TANC1: variants seen among roughly 807,000 people sequenced by gnomAD.
TANC1 encodes tetratricopeptide repeat, ankyrin repeat and coiled-coil containing 1.
A neutral mutation model predicts 149.7 loss-of-function variants in TANC1; 77 were observed. The ratio of observed to expected loss-of-function variants is 0.51; its 90% CI spans 0.43 to 0.62. The LOEUF (loss-of-function observed/expected upper bound fraction) is 0.62. TANC1 is among the 20% of genes least tolerant of loss of function. The pLI, the probability that TANC1 is intolerant of heterozygous loss-of-function variation, is 0.00. For synonymous variants in TANC1, 854 were observed against 925.0 expected, an observed-to-expected ratio of 0.92 and a Z score of 1.39; for missense variants, 1,985 against 2,321.8, an observed-to-expected ratio of 0.85 and a Z score of 2.98.
At chr2:159,066,475 A>T (rs2042677102) in intron 3 of TANC1, among the ~76,000 whole-genome samples, 2 of 152,176 alleles carry the variant, frequency 1.3e-5, no homozygotes, top group Non-Finnish European at 2.9e-5. Flanking sequence ...TGACTTTGAG[A>T]ATTGAGTTTG....
intron 1 of TANC1, among the ~76,000 whole-genome samples, chr2:158,974,033 A>G (rs567594374): frequency 6.6e-6 from 1 of 152,172 alleles, no homozygotes; most frequent in Non-Finnish European, 1.5e-5. Context: ...TCTGAACTAC[A>G]TGTTTGAATT....
In TANC1 at chr2:159,230,766, C is replaced by G; in HGVS notation, c.5340C>G (p.Asn1780Lys). 1 of 1,614,214 alleles carries G rather than the reference C, an allele frequency of 6.2e-7. No homozygotes were observed. The part of the protein sequence containing the change: ...PSLMQVGGYN[N>K]QAKTCSVSTL... ...TCATGCAAGTGGGAGGATATAATAA[C>G]CAAGCCAAAACCTGTTCTGTTTCTA... Residue 1780 changes from asparagine to lysine, a missense_variant, in exon 27 of 27, where the codon AAC becomes AAG. Coordinates refer to ENST00000263635, the MANE Select transcript of TANC1 (RefSeq NM_033394.3). This position sits in a 1 kb window ranked among gnomAD's most constrained non-coding sequence, Gnocchi z 4.4.
chr2:159,194,520 C>A, intron 17 of TANC1, 27 bp downstream of exon 17: 1 of 1,586,456 alleles, frequency 6.3e-7, no homozygotes, highest in Non-Finnish European at 8.7e-7. Flanking sequence ...TCTTTTGGGG[C>A]TGGGGCAGGG....
intron 22 of TANC1, among the ~76,000 whole-genome samples, chr2:159,220,370 C>T (rs11684480): frequency 0.38 from 53,853 of 141,480 alleles, 12,618 homozygotes; most frequent in Non-Finnish European, 0.56. Context: ...TGCAGTGGTG[C>T]GATCTCGGCT....
intron 1 of TANC1, among the ~76,000 whole-genome samples, chr2:158,979,370 T>C (rs1559093429): frequency 6.6e-6 from 1 of 151,968 alleles, no homozygotes. Flanking sequence ...GTACCATGCC[T>C]GTGGTCTCAG....
chr2:159,230,195 C>A lies in TANC1; in HGVS notation c.4769C>A (p.Thr1590Lys). The A allele has an allele frequency of 6.2e-7, 1 of 1,614,054 alleles. No homozygotes were observed. The highest frequency in any genetic ancestry group is 8.5e-7 in the Non-Finnish European group (1 of 1,180,034). Residue 1590 changes from threonine (T) to lysine (K), a missense_variant, in exon 27 of 27, where the codon ACA becomes AAA. This residue lies in a region of TANC1 where 920 missense variants were observed against 994.7 expected (regional missense o/e 0.92). Transcript: ENST00000263635. The surrounding 1 kb of genome is among the most constrained non-coding windows in gnomAD (Gnocchi z 4.4). ...QHLEGTGTFT[T>K]RAGCGHFGDR... ...TTAGAGGGAACAGGTACTTTCACTACAAGAGCTGGTTGTGGCCACTTTGGG... is the reference window on the plus strand; with the variant it reads ...TTAGAGGGAACAGGTACTTTCACTAAAAGAGCTGGTTGTGGCCACTTTGGG...
intron 5 of TANC1, among the ~76,000 whole-genome samples, chr2:159,141,613 C>T (rs1014959199): frequency 2.6e-5 from 4 of 152,152 alleles, no homozygotes; most frequent in African/African-American, 9.7e-5. Context: ...GGAACATCTT[C>T]GCAAGTGTCC....
At chr2:158,989,154 C>G (rs979475426) in intron 1 of TANC1, among the ~76,000 whole-genome samples, 44 of 152,214 alleles carry the variant, frequency 2.9e-4, no homozygotes, top group African/African-American at 1.1e-3. Context: ...AAAGATACCC[C>G]CTGAGGATGC....
chr2:159,209,134 G>A (rs531443537), intron 19 of TANC1, among the ~76,000 whole-genome samples: 5 of 152,300 alleles, frequency 3.3e-5, no homozygotes, highest in Non-Finnish European at 5.9e-5. Flanking sequence ...GAGCAGCAGC[G>A]CCCCAGCCTG....
chr2:159,073,361 TG>T (rs532217426), intron 3 of TANC1, among the ~76,000 whole-genome samples: 139 of 152,222 alleles, frequency 9.1e-4, no homozygotes, highest in African/African-American at 3.1e-3. Flanking sequence ...GTTTTCCTGG[TG>T]GGGGGCATAC....
chr2:159,015,613 C>T (rs1171608415), intron 2 of TANC1, among the ~76,000 whole-genome samples: 1 of 152,174 alleles, frequency 6.6e-6, no homozygotes, highest in Non-Finnish European at 1.5e-5. Context: ...AACTTAGATG[C>T]TCTGCTTCCC....
chr2:159,211,281 C>T (rs2058965171), intron 19 of TANC1, among the ~76,000 whole-genome samples: 1 of 152,206 alleles, frequency 6.6e-6, no homozygotes, highest in African/African-American at 2.4e-5. Flanking sequence ...TTCACAAATG[C>T]CATCTTGTTA....
intron 4 of TANC1, among the ~76,000 whole-genome samples, 181 bp from the exon 5 acceptor site, chr2:159,136,013 T>C (rs1245455936): frequency 1.6e-5 from 1 of 63,716 alleles, no homozygotes; most frequent in East Asian, 4.3e-4. Flanking sequence ...TGTGTGTGTG[T>C]GTGTGTGTGT....
intron 4 of TANC1, among the ~76,000 whole-genome samples, chr2:159,111,878 A>T (rs2047764070): frequency 6.6e-6 from 1 of 152,196 alleles, no homozygotes; most frequent in Non-Finnish European, 1.5e-5. Context: ...TAACACTTGG[A>T]TATTGAAGGT....
rs2059542334 is a variant in TANC1, at chr2:159,219,330, C to G, written c.3471C>G (p.His1157Gln). 6.2e-7 allele frequency: 1 copy of G among 1,613,992 alleles called. No individual in the cohort carries two copies. The highest frequency in any genetic ancestry group is 8.5e-7 in the Non-Finnish European group (1 of 1,180,024). Residue 1157 changes from histidine to glutamine, a missense_variant, in exon 21 of 27, where the codon CAC becomes CAG. Physicochemically the swap from His to Gln is conservative, Grantham distance 24 (BLOSUM62 0). Transcript: ENST00000263635. ...TPLMVAACEGHLSTVEFLLSK... is the reference protein window; with the variant it reads ...TPLMVAACEGQLSTVEFLLSK... ...TCATGGTGGCTGCTTGTGAAGGGCA[C>G]TTGAGCACCGTGGAATTCCTCCTTT...
At chr2:159,027,232 T>C (rs1376703214) in intron 2 of TANC1, 1 of 152,234 alleles carries the variant, frequency 6.6e-6, no homozygotes, top group Non-Finnish European at 1.5e-5. Context: ...CTTTAAGTCA[T>C]TTCTTTGCTC....
chr2:159,031,181 G>C (rs1559150661), intron 2 of TANC1, among the ~76,000 whole-genome samples: 1 of 152,220 alleles, frequency 6.6e-6, no homozygotes, highest in African/African-American at 2.4e-5. Flanking sequence ...TGGATACAAG[G>C]TCAGGGCCTG....
chr2:159,099,357 C>T (rs1236408850), intron 4 of TANC1, among the ~76,000 whole-genome samples: 1 of 152,134 alleles, frequency 6.6e-6, no homozygotes, highest in Non-Finnish European at 1.5e-5. Flanking sequence ...TCCTTCAAAT[C>T]ATAGTTCCCA....
chr2:159,213,907 C>T (rs745577664), intron 19 of TANC1, among the ~76,000 whole-genome samples: 2 of 151,998 alleles, frequency 1.3e-5, no homozygotes, highest in Non-Finnish European at 2.9e-5. Context: ...GGGCAGATCA[C>T]CTGAGGTCAG....
Sources: gnomAD v4.1 joint callset for allele counts (sites outside exome capture counted in the v4.1 genomes callset) on GRCh38, gnomAD v4.1.1 for gene constraint, gnomAD v4.1.1 regional missense constraint, Gnocchi (gnomAD v3.1) non-coding constraint, MANE v1.5 for transcripts, NCBI Gene and HGNC (gene_info 2026-07-23, HGNC 2026-07-21) for gene names.